Variants in VPS54 observed in about 807,000 individuals in gnomAD.
VPS54 encodes VPS54 subunit of GARP complex.
VPS54 carries 45 observed loss-of-function variants against 121.5 expected under a neutral mutation model. The ratio of observed to expected loss-of-function variants is 0.37; its 90% CI spans 0.29 to 0.47. The LOEUF is 0.47. VPS54 is among the 20% of genes least tolerant of loss of function. VPS54 has a pLI of 0.99. For synonymous variants in VPS54, 371 were observed against 385.8 expected (o/e 0.96, Z 0.45); for missense variants, 1,090 against 1,131.4 (o/e 0.96, Z 0.52).
rs183869987 is a variant in VPS54 at position 63,926,839 on chromosome 2, G to A, written c.1740-5504C>T. On this transcript the variant is annotated intron_variant, in intron 12 of 22. Transcript: ENST00000272322. ...CAGGCAGACCAGGAGATCCCCTCCC[G>A]TGCCTGGCTCGGTGGGTCCCACACC... 8.5e-5 allele frequency among the ~76,000 whole-genome samples: 13 copies of A among 152,258 alleles called. 1 individual carries two copies. The highest frequency in any genetic ancestry group is 2.6e-4 in the Admixed American group (4 of 15,296).
intron 1 of VPS54, among the ~76,000 whole-genome samples, chr2:63,994,499 C>A (rs920053803): frequency 6.6e-6 from 1 of 152,136 alleles, no homozygotes; most frequent in African/African-American, 2.4e-5. Flanking sequence ...ATGACCGTTG[C>A]CCCGCTCAAT....
intron 20 of VPS54, among the ~76,000 whole-genome samples, chr2:63,908,124 A>G (rs1353367673): frequency 1.3e-5 from 2 of 152,248 alleles, no homozygotes; most frequent in Non-Finnish European, 2.9e-5. Flanking sequence ...ATGTAAGCTT[A>G]TAACAGCTTT....
At chr2:63,975,975 C>T (rs1676508132) in intron 3 of VPS54, among the ~76,000 whole-genome samples, 1 of 152,166 alleles carries the variant, frequency 6.6e-6, no homozygotes, top group Non-Finnish European at 1.5e-5. Context: ...AAGTCCTGGC[C>T]TCAAGCATCC....
chr2:64,007,817 T>C (rs1245611309), intron 1 of VPS54, among the ~76,000 whole-genome samples: 1 of 152,122 alleles, frequency 6.6e-6, no homozygotes, highest in Non-Finnish European at 1.5e-5. Context: ...GGAAGATGTG[T>C]CAGGAAGTAA....
intron 3 of VPS54, among the ~76,000 whole-genome samples, chr2:63,974,696 G>A (rs946817908): frequency 3.9e-5 from 6 of 152,086 alleles, no homozygotes; most frequent in African/African-American, 1.4e-4. Flanking sequence ...TGATGCTAAT[G>A]TAAATGGCAT....
chr2:63,917,848 C>G (rs1241456457), intron 15 of VPS54, among the ~76,000 whole-genome samples: 1 of 151,920 alleles, frequency 6.6e-6, no homozygotes, highest in East Asian at 1.9e-4. Flanking sequence ...GCTATGTAAC[C>G]TTAGACAAGT....
At chr2:64,011,324 T>C (rs1678418309) in intron 1 of VPS54, among the ~76,000 whole-genome samples, 3 of 152,112 alleles carry the variant, frequency 2.0e-5, no homozygotes, top group African/African-American at 7.2e-5. Context: ...TCCCAGCACT[T>C]TGGGAGGCTG....
intron 7 of VPS54, among the ~76,000 whole-genome samples, chr2:63,953,659 T>C (rs116325515): frequency 0.032 from 4,855 of 152,268 alleles, 193 homozygotes; most frequent in African/African-American, 0.097. Context: ...GAACAGTATG[T>C]ACAGTGCGCT....
intron 1 of VPS54, among the ~76,000 whole-genome samples, chr2:63,999,777 ATTCTTTT>A (rs1406160144): frequency 2.6e-5 from 4 of 151,902 alleles, no homozygotes; most frequent in African/African-American, 4.8e-5. Context: ...GCTTATTTTT[ATTCTTTT>A]TTCTTTTGTC....
chr2:63,906,986 C>G (rs192321682), intron 20 of VPS54, among the ~76,000 whole-genome samples: 2 of 152,212 alleles, frequency 1.3e-5, no homozygotes, highest in East Asian at 1.9e-4. Context: ...CAGTGTGGTA[C>G]TGGAACAGAA....
At chr2:63,955,410 T>C (rs1367553392) in intron 7 of VPS54, among the ~76,000 whole-genome samples, 25 of 152,028 alleles carry the variant, frequency 1.6e-4, no homozygotes, top group Admixed American at 1.4e-3. Context: ...GTATAAATAA[T>C]CTTCAACAAA....
chr2:63,907,056 G>A (rs1043644067), intron 20 of VPS54, among the ~76,000 whole-genome samples: 19 of 152,114 alleles, frequency 1.2e-4, no homozygotes, highest in African/African-American at 4.6e-4. Context: ...GTGGAGAAAT[G>A]ATAGTCTTTT....
chr2:63,990,511 G>A (rs1239250754), intron 1 of VPS54, among the ~76,000 whole-genome samples: 3 of 151,886 alleles, frequency 2.0e-5, no homozygotes, highest in South Asian at 2.1e-4. Context: ...CATCCACTCA[G>A]CCTGCCTCTC....
intron 11 of VPS54, among the ~76,000 whole-genome samples, chr2:63,940,628 C>G (rs1057102526): frequency 2.0e-5 from 3 of 152,080 alleles, no homozygotes; most frequent in African/African-American, 7.2e-5. Flanking sequence ...AAATGTTTCA[C>G]TATAATGATG....
intron 22 of VPS54, among the ~76,000 whole-genome samples, chr2:63,897,027 T>C (rs997565242): frequency 1.3e-5 from 2 of 152,300 alleles, no homozygotes; most frequent in South Asian, 4.1e-4. Flanking sequence ...ACTATGCTAT[T>C]TTACAGTAAT....
intron 20 of VPS54, among the ~76,000 whole-genome samples, chr2:63,904,292 A>T (rs1277637844): frequency 6.6e-6 from 1 of 151,910 alleles, no homozygotes; most frequent in Non-Finnish European, 1.5e-5. Flanking sequence ...TACAAAAATT[A>T]GCTGGGCGTG....
chr2:63,973,058 G>A (rs939463565), intron 3 of VPS54, among the ~76,000 whole-genome samples: 2 of 152,144 alleles, frequency 1.3e-5, no homozygotes, highest in Admixed American at 6.5e-5. Flanking sequence ...AAAAGCAGCA[G>A]GCCAGCAGTG....
At position 63,985,678 on chromosome 2, in the gene VPS54, T is replaced by TAC. The variant is rs1491189848; in HGVS notation, c.-20-1660_-20-1659insGT. Among the ~76,000 whole-genome samples, 250 of 101,766 alleles carry TAC rather than the reference T, an allele frequency of 2.5e-3. 3 individuals carry two copies. The highest frequency in any genetic ancestry group is 0.013 in the African/African-American group (238 of 18,826). The allele number at this position is 101,766 out of a possible 152,430, so 66.8% of individuals were successfully genotyped here. ...TTTACACTGGGAAGAAGTGACAAAT[T>TAC]ATACACACACACACACACACACACA... On this transcript the variant is annotated intron_variant, in intron 1 of 22. Coordinates refer to ENST00000272322, the MANE Select transcript of VPS54 (RefSeq NM_016516.3).
At chr2:63,979,380 C>G (rs1676699383) in intron 3 of VPS54, among the ~76,000 whole-genome samples, 1 of 151,980 alleles carries the variant, frequency 6.6e-6, no homozygotes, top group South Asian at 2.1e-4. Flanking sequence ...GCTGGGATTA[C>G]AGGCACCTGC....
Sources: gnomAD v4.1 joint callset for allele counts (sites outside exome capture counted in the v4.1 genomes callset) on GRCh38, gnomAD v4.1.1 for gene constraint, MANE v1.5 for transcripts, NCBI Gene and HGNC (gene_info 2026-07-23, HGNC 2026-07-21) for gene names.